PDE4D: variants seen among roughly 807,000 people sequenced by gnomAD.
PDE4D encodes phosphodiesterase 4D.
In PDE4D, 24 loss-of-function variants were observed where a neutral mutation model predicts 87.4. The ratio of observed to expected loss-of-function variants is 0.27; its 90% CI spans 0.20 to 0.39. The LOEUF is 0.39. PDE4D is among the 10% of genes least tolerant of loss of function. PDE4D has a pLI of 1.00. For missense variants in PDE4D, 714 were observed against 1,041.0 expected (o/e 0.69, Z 4.32); for synonymous variants, 384 against 383.2 (o/e 1.00, Z -0.02).
At chr5:59,991,881 A>G (rs1327407262) in intron 2 of PDE4D, among the ~76,000 whole-genome samples, 1 of 152,206 alleles carries the variant, frequency 6.6e-6, no homozygotes, top group East Asian at 1.9e-4. Context: ...ATTGGATTGA[A>G]GGATACAAAG....
chr5:60,323,839 T>G (rs1756530019), intron 1 of PDE4D, among the ~76,000 whole-genome samples: 1 of 151,932 alleles, frequency 6.6e-6, no homozygotes, highest in African/African-American at 2.4e-5. Context: ...TGCCCTGATC[T>G]GCTACAGGGT....
chr5:59,961,864 G>A (rs981041778), intron 3 of PDE4D, among the ~76,000 whole-genome samples: 5 of 152,130 alleles, frequency 3.3e-5, no homozygotes, highest in African/African-American at 9.7e-5. Flanking sequence ...TACCTGCCGA[G>A]GCTCTGGGGC....
chr5:60,243,231 A>G (rs1747336046), intron 1 of PDE4D, among the ~76,000 whole-genome samples: 1 of 152,026 alleles, frequency 6.6e-6, no homozygotes, highest in East Asian at 1.9e-4. Context: ...ATAAATGAAC[A>G]AATTCCTAGA....
intron 1 of PDE4D, among the ~76,000 whole-genome samples, chr5:59,392,075 A>T (rs1421611377): frequency 3.3e-5 from 5 of 151,694 alleles, no homozygotes; most frequent in Non-Finnish European, 7.4e-5. Flanking sequence ...TTTTTACAGT[A>T]CAGAGAAGAA....
At chr5:59,416,574 G>C (rs1793652189) in intron 1 of PDE4D, among the ~76,000 whole-genome samples, 1 of 152,126 alleles carries the variant, frequency 6.6e-6, no homozygotes, top group African/African-American at 2.4e-5. Context: ...TAACTCTCTA[G>C]GTATTGCAGG....
upstream of PDE4D, among the ~76,000 whole-genome samples, chr5:59,896,320 G>A (rs1043466801): frequency 6.6e-6 from 1 of 152,024 alleles, no homozygotes; most frequent in Admixed American, 6.5e-5. Flanking sequence ...ATGTTAATCA[G>A]CAGTTCCCAG....
At chr5:59,849,063 A>G (rs974283097) in intron 1 of PDE4D, among the ~76,000 whole-genome samples, 1 of 151,986 alleles carries the variant, frequency 6.6e-6, no homozygotes, top group Non-Finnish European at 1.5e-5. Flanking sequence ...AGAATATGAA[A>G]CCTGTAAAAA....
At chr5:59,903,407 G>A (rs1752491547) in intron 3 of PDE4D, among the ~76,000 whole-genome samples, 1 of 151,974 alleles carries the variant, frequency 6.6e-6, no homozygotes, top group South Asian at 2.1e-4. Context: ...CTGTTCTGAT[G>A]TATAAAATAT....
At chr5:60,450,423 C>A (rs1746010084) in intron 1 of PDE4D, among the ~76,000 whole-genome samples, 1 of 152,172 alleles carries the variant, frequency 6.6e-6, no homozygotes, top group South Asian at 2.1e-4. Flanking sequence ...CTAGTTTGGA[C>A]AAACTGAATT....
At chr5:60,197,081 A>ATAGATAGACAGACAGT (rs1741345308) in intron 1 of PDE4D, among the ~76,000 whole-genome samples, 29 of 126,890 alleles carry the variant, frequency 2.3e-4, no homozygotes, top group African/African-American at 3.3e-4. Context: ...AGACAGTTAG[A>ATAGATAGACAGACAGT]TAGATAGATA....
intron 2 of PDE4D, among the ~76,000 whole-genome samples, chr5:60,044,827 G>T (rs376750117): frequency 1.3e-5 from 2 of 152,078 alleles, no homozygotes; most frequent in African/African-American, 4.8e-5. Context: ...ATAAACATAC[G>T]TGTGCATGTG....
intron 1 of PDE4D, among the ~76,000 whole-genome samples, chr5:59,216,353 T>C (rs1182587619): frequency 6.6e-6 from 1 of 152,150 alleles, no homozygotes; most frequent in African/African-American, 2.4e-5. Flanking sequence ...CCTAATGCTG[T>C]TCTCCCAAAC....
At chr5:60,278,202 C>T (rs1253266902) in intron 1 of PDE4D, among the ~76,000 whole-genome samples, 1 of 151,918 alleles carries the variant, frequency 6.6e-6, no homozygotes, top group Non-Finnish European at 1.5e-5. Context: ...GGTCACAATT[C>T]TTATCTTTCA....
chr5:59,082,611 TAAAC>T (rs940690942), intron 5 of PDE4D, among the ~76,000 whole-genome samples: 34 of 152,106 alleles, frequency 2.2e-4, no homozygotes, highest in African/African-American at 6.5e-4. Context: ...TATGTATAAA[TAAAC>T]AACGAAAAAT....
rs979746888 is a variant in PDE4D, at chr5:59,304,969, T to C, written c.456-89001A>G. The stretch of plus-strand genomic sequence containing the variant: ...TCTTGTGGAATAGTGTCAAAAGGAT[T>C]GGTACCAATTCTTTGAATGTCTGGT... On this transcript the variant is annotated intron_variant, in intron 1 of 14. Coordinates refer to ENST00000340635, the MANE Select transcript of PDE4D (RefSeq NM_001104631.2). Among the ~76,000 whole-genome samples the C allele has an allele frequency of 2.6e-5, 4 of 152,136 alleles. No individual in the cohort carries two copies. The South Asian group carries it at 8.3e-4, about 32-fold the overall frequency.
intron 1 of PDE4D, among the ~76,000 whole-genome samples, chr5:60,428,888 A>G (rs1214211390): frequency 6.6e-6 from 1 of 152,368 alleles, no homozygotes; most frequent in East Asian, 1.9e-4. Context: ...CATGCTGAGA[A>G]CCAGAATTTG....
intron 1 of PDE4D, among the ~76,000 whole-genome samples, chr5:59,337,373 C>A (rs566117576): frequency 3.2e-4 from 47 of 146,848 alleles, no homozygotes; most frequent in Non-Finnish European, 6.2e-4. Context: ...TCGCTGTCGC[C>A]CAGGCTGGAG....
At chr5:59,585,562 T>A (rs909223973) in intron 1 of PDE4D, among the ~76,000 whole-genome samples, 1 of 152,216 alleles carries the variant, frequency 6.6e-6, no homozygotes, top group African/African-American at 2.4e-5. Flanking sequence ...CCTAAAGGTA[T>A]GGCAAAAACA....
chr5:59,428,159 GAATT>G (rs1039430853), intron 1 of PDE4D, among the ~76,000 whole-genome samples: 4 of 151,976 alleles, frequency 2.6e-5, no homozygotes, highest in African/African-American at 7.3e-5. Context: ...AATAATTTGG[GAATT>G]ATTTCCCTGT....
Sources: gnomAD v4.1 joint callset for allele counts (sites outside exome capture counted in the v4.1 genomes callset) on GRCh38, gnomAD v4.1.1 for gene constraint, MANE v1.5 for transcripts, NCBI Gene and HGNC (gene_info 2026-07-23, HGNC 2026-07-21) for gene names.